The following KIAA1217 variants were observed in gnomAD, a reference collection of about 807,000 sequenced individuals.
KIAA1217 encodes sickle tail protein homolog.
In KIAA1217, 88 loss-of-function variants were observed where a neutral mutation model predicts 163.9. That is an observed-to-expected ratio of 0.54 (90% CI 0.45 to 0.64). The LOEUF (loss-of-function observed/expected upper bound fraction) is 0.64. KIAA1217 is among the 30% of genes least tolerant of loss of function. The pLI is 0.00. For synonymous variants in KIAA1217, 903 were observed against 923.1 expected, an observed-to-expected ratio of 0.98 and a Z score of 0.39; for missense variants, 2,372 against 2,475.0, an observed-to-expected ratio of 0.96 and a Z score of 0.88.
At chr10:23,773,936 T>C (rs1481376524) in intron 1 of KIAA1217, among the ~76,000 whole-genome samples, 3 of 152,124 alleles carry the variant, frequency 2.0e-5, no homozygotes, top group African/African-American at 4.8e-5. Context: ...CTTTTCCTAA[T>C]TGAATACCAT....
rs1835964978 is a variant in KIAA1217, at chr10:23,695,452, C to T, written c.-321+218C>T. On this transcript the variant is annotated intron_variant, in intron 1 of 18. Coordinates refer to the KIAA1217 transcript ENST00000376462. This position sits in a 1 kb window ranked among gnomAD's most constrained non-coding sequence, Gnocchi z 4.9. ...GTGATGGGGTGCCAAAAGGAGAAGA[C>T]CCCCAACTGGGAGGAGGGACTGGAG... Among the ~76,000 whole-genome samples the T allele has an allele frequency of 6.6e-6, 1 of 152,078 alleles. No homozygotes were observed. The highest frequency in any genetic ancestry group is 2.4e-5 in the African/African-American group (1 of 41,428).
intron 8 of KIAA1217, 48 bp from the exon 9 acceptor site, chr10:24,501,331 G>C (rs1414309626): frequency 1.3e-6 from 2 of 1,572,876 alleles, no homozygotes; most frequent in Non-Finnish European, 1.7e-6. Flanking sequence ...GCATAGCTTA[G>C]ACTTTCCTTT....
chr10:23,966,083 G>C (rs1845055201), intron 1 of KIAA1217, among the ~76,000 whole-genome samples: 1 of 152,186 alleles, frequency 6.6e-6, no homozygotes, highest in Non-Finnish European at 1.5e-5. Flanking sequence ...CTTTATGAGT[G>C]TGTGGGCTGT....
intron 1 of KIAA1217, among the ~76,000 whole-genome samples, chr10:24,210,867 T>C (rs954982839): frequency 4.6e-5 from 7 of 151,716 alleles, no homozygotes; most frequent in Non-Finnish European, 8.8e-5. Flanking sequence ...GCATGTTAGA[T>C]GGCACGGCTG....
At chr10:23,845,312 A>C (rs1488223486) in intron 1 of KIAA1217, among the ~76,000 whole-genome samples, 1 of 152,318 alleles carries the variant, frequency 6.6e-6, no homozygotes, top group South Asian at 2.1e-4. Flanking sequence ...GAATCACCAC[A>C]CTGTCTTCCA....
rs575965003 is a variant in KIAA1217, at chr10:23,927,553, C to T, written c.-320-79672C>T. On this transcript the variant is annotated intron_variant, in intron 1 of 18. Transcript: ENST00000376462. Reference sequence around the variant, plus strand: ...GAAGGATGACATGCTGTGAGATGCTCATATGTGATTGAAAGTGATTATGTG... The same window carrying T: ...GAAGGATGACATGCTGTGAGATGCTTATATGTGATTGAAAGTGATTATGTG... 7.2e-5 allele frequency among the ~76,000 whole-genome samples: 11 copies of T among 152,198 alleles called. No individual in the cohort carries two copies. In the South Asian group the frequency reaches 1.7e-3, roughly 23 times the overall value.
At chr10:24,450,362 G>A (rs1213557903) in intron 5 of KIAA1217, among the ~76,000 whole-genome samples, 1 of 152,178 alleles carries the variant, frequency 6.6e-6, no homozygotes, top group Non-Finnish European at 1.5e-5. Context: ...AACTTCTACA[G>A]TTTTAAATGA....
In KIAA1217 at chr10:24,303,267, C is replaced by T. The variant is rs568232089; in HGVS notation, c.355-77602C>T. On this transcript the variant is annotated intron_variant, in intron 2 of 20. Coordinates refer to ENST00000376454, the MANE Select transcript of KIAA1217 (RefSeq NM_019590.5). ...CTGGCCTCAAGCGATCCTCCTGCCT[C>T]GATCTCCCTAAGTGCTAGGATTACA... 1.2e-3 allele frequency among the ~76,000 whole-genome samples: 179 copies of T among 152,170 alleles called. No homozygotes were observed. The Middle Eastern group carries it at 0.014, about 12-fold the overall frequency.
At chr10:24,293,919 T>C (rs774354493) in intron 2 of KIAA1217, among the ~76,000 whole-genome samples, 3 of 151,922 alleles carry the variant, frequency 2.0e-5, no homozygotes, top group East Asian at 3.9e-4. Context: ...CCTGGCCGGG[T>C]GCGGTGGCTC....
intron 1 of KIAA1217, among the ~76,000 whole-genome samples, chr10:23,895,458 A>C (rs1223006151): frequency 1.3e-5 from 2 of 152,178 alleles, no homozygotes; most frequent in African/African-American, 4.8e-5. Context: ...ATCTCACACC[A>C]GTTAGAATGG....
intron 2 of KIAA1217, among the ~76,000 whole-genome samples, chr10:24,315,764 GA>G (rs11447202): frequency 1.2e-4 from 18 of 150,072 alleles, no homozygotes; most frequent in Middle Eastern, 3.4e-3. Flanking sequence ...AACAAAACAA[GA>G]AAAAAAAAAT....
At chr10:24,365,745 A>G (rs2050695607) in intron 2 of KIAA1217, among the ~76,000 whole-genome samples, 1 of 152,036 alleles carries the variant, frequency 6.6e-6, no homozygotes, top group Non-Finnish European at 1.5e-5. Flanking sequence ...CTTGGGTAGA[A>G]TATTTTAGTA....
At chr10:23,944,559 G>T (rs771794891) in intron 1 of KIAA1217, among the ~76,000 whole-genome samples, 24 of 152,028 alleles carry the variant, frequency 1.6e-4, no homozygotes, top group Non-Finnish European at 2.4e-4. Context: ...TACAAATAAT[G>T]ATAAACATGT....
chr10:24,449,512 T>A, intron 5 of KIAA1217: 1 of 985,386 alleles, frequency 1.0e-6, no homozygotes. Context: ...AATGCCTTCC[T>A]ACTCAGAATT....
At chr10:23,854,157 A>G (rs990014957) in intron 1 of KIAA1217, among the ~76,000 whole-genome samples, 1 of 152,060 alleles carries the variant, frequency 6.6e-6, no homozygotes, top group Non-Finnish European at 1.5e-5. Flanking sequence ...ATTTAGTGCT[A>G]TAAGTTTCCC....
Position 24,543,037 on chromosome 10 carries a change from G to C in KIAA1217, c.3767G>C (p.Arg1256Thr). ...ISNMSLLRDSRNYSQETVPKA... is the reference protein window; with the variant it reads ...ISNMSLLRDSTNYSQETVPKA... ...AATATGAGTTTACTCAGAGACAGTA[G>C]AAACTATTCCCAGGAAACTGTGCCT... The change falls in exon 19 of 21, where the codon AGA (arginine) becomes ACA (threonine). Residue 1256 changes from arginine to threonine, a missense_variant. By Grantham distance (71) the Arg-to-Thr change is moderately conservative (BLOSUM62 -1). Coordinates refer to ENST00000376454, the MANE Select transcript of KIAA1217 (RefSeq NM_019590.5). 1 of 1,613,832 alleles carries C rather than the reference G, an allele frequency of 6.2e-7. No individual in the cohort carries two copies. Among genetic ancestry groups the C allele is most frequent in the Middle Eastern group, 1.6e-4 (1 of 6,062 alleles).
chr10:24,347,910 G>A (rs1263303536), intron 2 of KIAA1217, among the ~76,000 whole-genome samples: 2 of 152,094 alleles, frequency 1.3e-5, no homozygotes, highest in Non-Finnish European at 2.9e-5. Flanking sequence ...CACCACACAT[G>A]GTTACCATCC....
chr10:24,346,475 AAAT>A (rs199962983), intron 2 of KIAA1217, among the ~76,000 whole-genome samples: 3 of 152,026 alleles, frequency 2.0e-5, no homozygotes, highest in Non-Finnish European at 2.9e-5. Flanking sequence ...CCGTCTCAAA[AAAT>A]AATAATAATA....
chr10:24,361,489 A>G (rs2049993160), intron 2 of KIAA1217, among the ~76,000 whole-genome samples: 1 of 152,010 alleles, frequency 6.6e-6, no homozygotes, highest in Non-Finnish European at 1.5e-5. Flanking sequence ...TGCCCAGCCC[A>G]TTGTTTTCTA....
Sources: allele counts gnomAD v4.1 joint callset (sites outside exome capture counted in the v4.1 genomes callset), GRCh38; gene constraint gnomAD v4.1.1; non-coding constraint Gnocchi (gnomAD v3.1); transcripts MANE v1.5; gene names NCBI Gene and HGNC (gene_info 2026-07-23, HGNC 2026-07-21).